The following ZNF487 variants were observed in gnomAD, a reference collection of about 807,000 sequenced individuals.
The protein encoded by ZNF487 is zinc finger protein 487.
ZNF487 carries 4 observed loss-of-function variants against 3.0 expected under a neutral mutation model. That is an observed-to-expected ratio of 1.35 (90% CI 0.66 to 3.08). The LOEUF (loss-of-function observed/expected upper bound fraction) is 3.08, where lower values mean the gene tolerates loss of function less well. Ranked by LOEUF, ZNF487 falls within the 30% of genes most tolerant of loss-of-function variation. The pLI, the probability that ZNF487 is intolerant of heterozygous loss-of-function variation, is 0.01. For missense variants in ZNF487, 146 were observed against 98.7 expected (o/e 1.48, Z -2.03); for synonymous variants, 55 against 34.6 (o/e 1.59, Z -2.06).
the ZNF487 span, among the ~76,000 whole-genome samples, chr10:43,498,249 T>A: frequency 7.4e-6 from 1 of 135,110 alleles, no homozygotes; most frequent in Non-Finnish European, 1.6e-5. Context: ...CTGTCTTGTA[T>A]TTGGTATTTT....
the ZNF487 span, among the ~76,000 whole-genome samples, chr10:43,513,682 G>A: frequency 6.6e-6 from 1 of 152,166 alleles, no homozygotes; most frequent in Non-Finnish European, 1.5e-5. Context: ...AGCCAATATG[G>A]GAGTTCTGCC....
At chr10:43,517,824 A>G in the ZNF487 span, among the ~76,000 whole-genome samples, 31,770 of 152,052 alleles carry the variant, frequency 0.21, 5,559 homozygotes, top group African/African-American at 0.47. Flanking sequence ...TTCTTGGCAA[A>G]TACCATGGTA....
the ZNF487 span, among the ~76,000 whole-genome samples, chr10:43,521,115 T>C: frequency 8.8e-4 from 134 of 152,324 alleles, no homozygotes; most frequent in Middle Eastern, 6.8e-3. Flanking sequence ...ATGGTATTCA[T>C]GTTCTGGAAA....
intron 1 of ZNF487, among the ~76,000 whole-genome samples, chr10:43,447,596 C>G (rs1839859317): frequency 1.3e-5 from 2 of 152,216 alleles, no homozygotes; most frequent in Non-Finnish European, 2.9e-5. Context: ...ATTCCATGCC[C>G]TGTGTGAGCA....
At chr10:43,498,498 C>T in the ZNF487 span, among the ~76,000 whole-genome samples, 209 of 150,972 alleles carry the variant, frequency 1.4e-3, 1 homozygote, top group Middle Eastern at 3.4e-3. Flanking sequence ...AGGCTGGTCA[C>T]GAACTCCTGA....
At chr10:43,436,953 G>A (rs943377957), upstream of ZNF487, 4 of 458,308 alleles carry the variant, frequency 8.7e-6, no homozygotes, top group Admixed American at 2.4e-5. Flanking sequence ...TCCGGCCAGC[G>A]GACAAGAGGG....
chr10:43,521,782 T>C, the ZNF487 span, among the ~76,000 whole-genome samples: 11 of 152,018 alleles, frequency 7.2e-5, no homozygotes, highest in East Asian at 1.7e-3. Context: ...AAGCTCACAC[T>C]GGAAAGAGAA....
At chr10:43,480,319 G>C (rs1385192040) in intron 3 of ZNF487, among the ~76,000 whole-genome samples, 3 of 150,854 alleles carry the variant, frequency 2.0e-5, no homozygotes, top group African/African-American at 7.3e-5. Context: ...TGTTGGCCAG[G>C]CTGGTCTCGA....
chr10:43,483,252 T>C (rs9887981), downstream of ZNF487: 522 of 375,460 alleles, frequency 1.4e-3, 4 homozygotes, highest in African/African-American at 0.01. Flanking sequence ...TTGTTGTTAC[T>C]TTTTTGAGAC....
rs531827230 is a variant in ZNF487 at position 43,481,722 on chromosome 10, C to T, written c.424C>T (p.Arg142Cys). The T allele has an allele frequency of 3.4e-4, 240 of 716,134 alleles. 6 individuals carry two copies. Among genetic ancestry groups the T allele is most frequent in the South Asian group, 2.4e-3 (159 of 67,472 alleles). The allele number at this position is 716,134 out of a possible 1,614,324, so 44.4% of individuals were successfully genotyped here. The change falls in exon 4 of 4, where the codon CGT becomes TGT. Residue 142 changes from arginine (R) to cysteine (C), a missense_variant. Arg to Cys is a radical substitution (Grantham distance 180, BLOSUM62 -3). Transcript: ENST00000437590. ...VRGKFLLCMK[R>C]ENPYARGKPL... ...TGGGAAATTTCTCCTCTGTATGAAG[C>T]GTGAGAATCCTTATGCCAGAGGGAA...
chr10:43,471,337 G>A (rs1448881066), intron 1 of ZNF487, among the ~76,000 whole-genome samples: 3 of 152,184 alleles, frequency 2.0e-5, no homozygotes, highest in Non-Finnish European at 4.4e-5. Context: ...GTGCCAAGGC[G>A]AGGGTGCCCA....
chr10:43,451,433 C>T (rs564718356), intron 1 of ZNF487, among the ~76,000 whole-genome samples: 193 of 150,666 alleles, frequency 1.3e-3, no homozygotes, highest in Non-Finnish European at 1.9e-3. Context: ...TTAGTAGAGA[C>T]GGGGTTTCAC....
the ZNF487 span, among the ~76,000 whole-genome samples, chr10:43,516,954 CAGTATGCCTCT>C: frequency 6.6e-6 from 1 of 152,234 alleles, no homozygotes; most frequent in Non-Finnish European, 1.5e-5. Flanking sequence ...TAAAGGGACA[CAGTATGCCTCT>C]ACCAGGTTAT....
At chr10:43,439,098 C>T (rs777291152) in intron 1 of ZNF487, among the ~76,000 whole-genome samples, 9 of 151,614 alleles carry the variant, frequency 5.9e-5, no homozygotes, top group African/African-American at 7.3e-5. Flanking sequence ...AAATATTAGC[C>T]GGGCATGGTG....
At chr10:43,469,634 C>T (rs1221421203) in intron 1 of ZNF487, among the ~76,000 whole-genome samples, 1 of 152,080 alleles carries the variant, frequency 6.6e-6, no homozygotes, top group Non-Finnish European at 1.5e-5. Context: ...AACCAATGTA[C>T]TTGGCCTGCA....
At chr10:43,505,434 A>G in the ZNF487 span, among the ~76,000 whole-genome samples, 151,148 of 151,374 alleles carry the variant, frequency 1, 75,461 homozygotes, top group Middle Eastern at 1. Context: ...ACAGGTGTGC[A>G]CCACCATGCC....
At chr10:43,448,546 T>G (rs1439944345) in intron 1 of ZNF487, among the ~76,000 whole-genome samples, 4 of 152,038 alleles carry the variant, frequency 2.6e-5, no homozygotes, top group Admixed American at 2.6e-4. Flanking sequence ...CTGGGTGCGG[T>G]GGCTCCTGCC....
intron 1 of ZNF487, among the ~76,000 whole-genome samples, chr10:43,448,078 CTCCCGGG>C (rs1011897033): frequency 1.3e-5 from 2 of 150,952 alleles, no homozygotes; most frequent in African/African-American, 4.9e-5. Flanking sequence ...CAAGTTCCAC[CTCCCGGG>C]TTCACGCTAT....
At chr10:43,497,292 G>T in the ZNF487 span, among the ~76,000 whole-genome samples, 3 of 152,192 alleles carry the variant, frequency 2.0e-5, no homozygotes, top group Non-Finnish European at 4.4e-5. Context: ...CTAAAATGTG[G>T]TGTGATATTT....
Sources: gnomAD v4.1 joint callset for allele counts (sites outside exome capture counted in the v4.1 genomes callset) on GRCh38, gnomAD v4.1.1 for gene constraint, MANE v1.5 for transcripts, NCBI Gene and HGNC (gene_info 2026-07-23, HGNC 2026-07-21) for gene names.